Variants in NEK7 observed in about 807,000 individuals in gnomAD.
The protein encoded by NEK7 is serine/threonine-protein kinase Nek7.
Under a neutral mutation model 44.6 loss-of-function variants are expected in NEK7, and 18 were observed. That is an observed-to-expected ratio of 0.40 (90% confidence interval 0.28 to 0.60). NEK7 has a LOEUF of 0.60. Ranked by LOEUF, NEK7 falls within the 20% of genes least tolerant of loss-of-function variation. The pLI is 0.38. For missense variants in NEK7, 256 were observed against 366.5 expected, an observed-to-expected ratio of 0.70 and a Z score of 2.46; for synonymous variants, 130 against 121.1, an observed-to-expected ratio of 1.07 and a Z score of -0.48.
chr1:198,306,670 T>C (rs754364376), intron 9 of NEK7, among the ~76,000 whole-genome samples: 2 of 152,156 alleles, frequency 1.3e-5, no homozygotes, highest in Non-Finnish European at 2.9e-5. Context: ...TATTTAGTCT[T>C]ACAAGAGACT....
chr1:198,292,868 T>G (rs1401602956), intron 7 of NEK7, 77 bp from the exon 8 acceptor site: 1 of 811,256 alleles, frequency 1.2e-6, no homozygotes, highest in African/African-American at 1.7e-5. Flanking sequence ...AATTCAAAAT[T>G]TTGTATGTAG....
intron 1 of NEK7, among the ~76,000 whole-genome samples, chr1:198,188,867 A>C (rs965649738): frequency 6.6e-6 from 1 of 152,144 alleles, no homozygotes; most frequent in Non-Finnish European, 1.5e-5. Flanking sequence ...TCCATTTTGC[A>C]GAAAAGAAAA....
chr1:198,253,309 G>A lies in NEK7; in HGVS notation c.198+129G>A, dbSNP rs117690814. The A allele has an allele frequency of 3.8e-4, 222 of 589,938 alleles. 3 individuals are homozygous for A. The East Asian group carries it at 5.5e-3, about 15-fold the overall frequency. 36.5% of individuals were successfully genotyped at this position (589,938 alleles called of 1,614,324 possible). ...AGAATGCTGGGAAAGATTGAACGTTGTATTTTAAAAGCCAGAAACAAGTGT... is the reference window on the plus strand; with the variant it reads ...AGAATGCTGGGAAAGATTGAACGTTATATTTTAAAAGCCAGAAACAAGTGT... On this transcript the variant is annotated intron_variant, in intron 3 of 9. Transcript: ENST00000367385.
At chr1:198,251,022 A>G (rs1652937441) in intron 2 of NEK7, among the ~76,000 whole-genome samples, 1 of 151,994 alleles carries the variant, frequency 6.6e-6, no homozygotes, top group Non-Finnish European at 1.5e-5. Context: ...TGGGTTTGTC[A>G]TAGATAGCTC....
chr1:198,193,257 G>A (rs916780194), intron 1 of NEK7, among the ~76,000 whole-genome samples: 2 of 152,068 alleles, frequency 1.3e-5, no homozygotes, highest in African/African-American at 4.8e-5. Context: ...GACTGAACCA[G>A]GAAGCAGTTA....
intron 5 of NEK7, among the ~76,000 whole-genome samples, chr1:198,269,991 A>G (rs1377569293): frequency 1.3e-5 from 2 of 152,020 alleles, no homozygotes; most frequent in African/African-American, 2.4e-5. Flanking sequence ...TATTTTCTTT[A>G]TTGTAGTTAA....
At chr1:198,204,732 A>T (rs990212187) in intron 1 of NEK7, among the ~76,000 whole-genome samples, 3 of 151,914 alleles carry the variant, frequency 2.0e-5, no homozygotes, top group Admixed American at 6.6e-5. Flanking sequence ...AAAAAAAAAA[A>T]AAAAAAGAAA....
At chr1:198,182,362 T>G (rs1571507768) in intron 1 of NEK7, among the ~76,000 whole-genome samples, 3 of 151,986 alleles carry the variant, frequency 2.0e-5, no homozygotes, top group Admixed American at 1.3e-4. Context: ...TGGACAAGGG[T>G]GTTTTAATCT....
chr1:198,275,247 T>C (rs1653978365), intron 5 of NEK7, among the ~76,000 whole-genome samples: 1 of 150,756 alleles, frequency 6.6e-6, no homozygotes, highest in South Asian at 2.1e-4. Context: ...AGTGATCAGG[T>C]ATATCTGGGT....
chr1:198,189,891 T>A (rs576595416), intron 1 of NEK7, among the ~76,000 whole-genome samples: 2 of 152,250 alleles, frequency 1.3e-5, no homozygotes, highest in African/African-American at 4.8e-5. Flanking sequence ...ATTAAAAAGT[T>A]AAACTTATCT....
chr1:198,301,733 T>A (rs926052131), intron 9 of NEK7, among the ~76,000 whole-genome samples: 7 of 152,120 alleles, frequency 4.6e-5, no homozygotes, highest in African/African-American at 1.7e-4. Context: ...AATTGAGGAC[T>A]AAAAACAATG....
At chr1:198,224,032 A>G (rs1192853185) in intron 1 of NEK7, among the ~76,000 whole-genome samples, 1 of 152,180 alleles carries the variant, frequency 6.6e-6, no homozygotes, top group East Asian at 1.9e-4. Flanking sequence ...CCACCTGTCA[A>G]ATTTGGTATA....
Position 198,191,708 on chromosome 1 carries a change from GAAGA to G in NEK7, c.-29+34435_-29+34438del, listed in dbSNP as rs553623304. On this transcript the variant is annotated intron_variant, in intron 1 of 9. Coordinates refer to ENST00000367385, the MANE Select transcript of NEK7 (RefSeq NM_133494.3). ...GTATTTTTCTTTACCTAGATGTTGT[GAAGA>G]AATACTTGTCTATTTTCTTCAAAAA... is the stretch of plus-strand genomic sequence containing the variant. 1.5e-4 allele frequency among the ~76,000 whole-genome samples: 23 copies of G among 151,974 alleles called. No individual in the cohort carries two copies. In the South Asian group the frequency reaches 3.3e-3, roughly 22 times the overall value.
At chr1:198,186,624 G>C (rs1287377736) in intron 1 of NEK7, among the ~76,000 whole-genome samples, 1 of 152,182 alleles carries the variant, frequency 6.6e-6, no homozygotes, top group Non-Finnish European at 1.5e-5. Flanking sequence ...TTTCCTGACA[G>C]TCCAACCTTT....
rs141554320 is a variant in NEK7, at chr1:198,264,310, G to A, written c.372+75G>A. 3.6e-4 allele frequency: 371 copies of A among 1,025,080 alleles called. 2 individuals carry two copies. The highest frequency in any genetic ancestry group is 1.4e-4 in the Admixed American group (6 of 43,276). 63.5% of individuals were successfully genotyped at this position (1,025,080 alleles called of 1,614,324 possible). A position where few individuals can be genotyped will look rare whatever the true frequency, so the allele number is the denominator to read the frequency against. On this transcript the variant is annotated intron_variant, in intron 5 of 9. Coordinates refer to ENST00000367385, the MANE Select transcript of NEK7 (RefSeq NM_133494.3). ...ATAGAATTGTCTGTTAAACACATAG[G>A]GATATTAGATATTTTAAACTAAAGA... is the stretch of plus-strand genomic sequence containing the variant.
chr1:198,165,975 A>G (rs1664254840), intron 1 of NEK7, among the ~76,000 whole-genome samples: 1 of 152,228 alleles, frequency 6.6e-6, no homozygotes, highest in Non-Finnish European at 1.5e-5. Flanking sequence ...TAGAGATGAC[A>G]TATTTCCTTG....
At chr1:198,288,015 A>C (rs991870637) in intron 7 of NEK7, among the ~76,000 whole-genome samples, 3 of 152,178 alleles carry the variant, frequency 2.0e-5, no homozygotes, top group Non-Finnish European at 4.4e-5. Flanking sequence ...ATATCCTCTG[A>C]TTTCAACTTA....
intron 9 of NEK7, among the ~76,000 whole-genome samples, chr1:198,302,837 A>G (rs1654928959): frequency 6.6e-6 from 1 of 152,166 alleles, no homozygotes; most frequent in East Asian, 1.9e-4. Flanking sequence ...TAGAGCAAAC[A>G]CTGGACATCA....
At chr1:198,275,287 G>T (rs183236613) in intron 5 of NEK7, among the ~76,000 whole-genome samples, 13 of 150,700 alleles carry the variant, frequency 8.6e-5, no homozygotes, top group Non-Finnish European at 1.8e-4. Context: ...TAAATTTTCA[G>T]ATACTTTATT....
Sources: allele counts gnomAD v4.1 joint callset (sites outside exome capture counted in the v4.1 genomes callset), GRCh38; gene constraint gnomAD v4.1.1; transcripts MANE v1.5; gene names NCBI Gene and HGNC (gene_info 2026-07-23, HGNC 2026-07-21).